Variants in PRKG1 observed in about 807,000 individuals in gnomAD.
PRKG1 encodes cGMP-dependent protein kinase 1.
In PRKG1, 35 loss-of-function variants were observed where a neutral mutation model predicts 88.1. The ratio of observed to expected loss-of-function variants is 0.40; its 90% CI spans 0.30 to 0.53. The LOEUF is 0.53. Among genes scored for constraint, PRKG1 ranks in the 20% least tolerant of loss-of-function variants. PRKG1 has a pLI of 0.59. For synonymous variants in PRKG1, 303 were observed against 292.5 expected (o/e 1.04, Z -0.37); for missense variants, 540 against 839.8 (o/e 0.64, Z 4.41).
chr10:51,453,695 T>C (rs1262340730), intron 2 of PRKG1, among the ~76,000 whole-genome samples: 1 of 152,056 alleles, frequency 6.6e-6, no homozygotes, highest in Non-Finnish European at 1.5e-5. Flanking sequence ...TTTTACTTTG[T>C]TAAGTTTATT....
chr10:51,246,125 T>C (rs2132132585), intron 2 of PRKG1, among the ~76,000 whole-genome samples: 1 of 152,228 alleles, frequency 6.6e-6, no homozygotes, highest in African/African-American at 2.4e-5. Context: ...TCCACTGTCC[T>C]TGAGATTTGC....
chr10:52,275,879 A>C (rs752302663), intron 12 of PRKG1, among the ~76,000 whole-genome samples: 1 of 151,984 alleles, frequency 6.6e-6, no homozygotes, highest in Non-Finnish European at 1.5e-5. Context: ...TTTCTGGTAG[A>C]GGTCTTTCAA....
chr10:51,166,388 C>T (rs148263496), intron 2 of PRKG1, among the ~76,000 whole-genome samples: 69 of 151,966 alleles, frequency 4.5e-4, no homozygotes, highest in African/African-American at 1.1e-3. Context: ...TTTCAGGTAA[C>T]GGTGGGTTGG....
At chr10:51,032,134 AGC>A (rs1843291464) in intron 1 of PRKG1, among the ~76,000 whole-genome samples, 1 of 152,138 alleles carries the variant, frequency 6.6e-6, no homozygotes, top group African/African-American at 2.4e-5. Flanking sequence ...CTCCTGAAGC[AGC>A]TGCCAGTGTC....
At chr10:51,932,551 T>G (rs1441735769) in intron 5 of PRKG1, among the ~76,000 whole-genome samples, 1 of 152,134 alleles carries the variant, frequency 6.6e-6, no homozygotes, top group Non-Finnish European at 1.5e-5. Flanking sequence ...CAGGTTTTAA[T>G]TTTTATGCTG....
intron 9 of PRKG1, among the ~76,000 whole-genome samples, chr10:52,170,275 G>T (rs1838628721): frequency 6.6e-6 from 1 of 152,110 alleles, no homozygotes; most frequent in African/African-American, 2.4e-5. Flanking sequence ...TGACCATCTT[G>T]TTCTGTTCTG....
intron 3 of PRKG1, among the ~76,000 whole-genome samples, chr10:51,639,436 CAAAAAAAAAAAAAAAAAAAAAAAAAAAA>C (rs769304908): frequency 1.9e-4 from 6 of 31,796 alleles, no homozygotes; most frequent in East Asian, 2.1e-3. Context: ...GACTCCATCT[CAAAAAAAAAAAAAAAAAAAAAAAAAAAA>C]AAAAAAAAAA....
intron 1 of PRKG1, among the ~76,000 whole-genome samples, chr10:51,033,046 T>C (rs1843306068): frequency 6.6e-6 from 1 of 152,150 alleles, no homozygotes; most frequent in Non-Finnish European, 1.5e-5. Flanking sequence ...TTTCTTCTTT[T>C]CTTGTCCCCT....
intron 3 of PRKG1, among the ~76,000 whole-genome samples, chr10:51,772,118 A>G (rs1009615821): frequency 2.0e-5 from 3 of 152,202 alleles, no homozygotes; most frequent in African/African-American, 7.2e-5. Context: ...AATAATTATA[A>G]CATCAAGTTT....
intron 8 of PRKG1, among the ~76,000 whole-genome samples, chr10:52,145,274 C>G (rs752282214): frequency 6.6e-6 from 1 of 152,048 alleles, no homozygotes; most frequent in African/African-American, 2.4e-5. Flanking sequence ...ATGCTTGAAA[C>G]CTTACTATAT....
intron 9 of PRKG1, among the ~76,000 whole-genome samples, chr10:52,188,188 GTA>G (rs1458749780): frequency 2.1e-5 from 3 of 143,432 alleles, no homozygotes; most frequent in Non-Finnish European, 4.5e-5. Flanking sequence ...TGATATCTAT[GTA>G]TGTGTGTGTG....
chr10:51,407,812 A>G (rs141674094), intron 2 of PRKG1, among the ~76,000 whole-genome samples: 5 of 152,048 alleles, frequency 3.3e-5, no homozygotes, highest in Non-Finnish European at 7.4e-5. Flanking sequence ...TTCCATGCAT[A>G]CTCTTCCTTA....
intron 1 of PRKG1, among the ~76,000 whole-genome samples, chr10:51,014,498 G>A (rs1410517402): frequency 6.6e-6 from 1 of 152,064 alleles, no homozygotes; most frequent in East Asian, 1.9e-4. Context: ...GTAAGTAATA[G>A]GGCTTTTGCA....
intron 1 of PRKG1, among the ~76,000 whole-genome samples, chr10:51,084,868 A>G (rs1844209269): frequency 6.6e-6 from 1 of 152,206 alleles, no homozygotes; most frequent in Non-Finnish European, 1.5e-5. Flanking sequence ...GAATACTTGG[A>G]CTATTTTCAG....
At chr10:51,476,055 A>T (rs1588995920) in intron 3 of PRKG1, among the ~76,000 whole-genome samples, 2 of 152,102 alleles carry the variant, frequency 1.3e-5, no homozygotes, top group Admixed American at 1.3e-4. Context: ...GGTCTTTGGT[A>T]CTTTCCATAG....
At chr10:51,281,336 C>T (rs1367705815) in intron 2 of PRKG1, among the ~76,000 whole-genome samples, 1 of 152,138 alleles carries the variant, frequency 6.6e-6, no homozygotes. Context: ...GGCAGTCTGT[C>T]CATTCTCAGA....
intron 1 of PRKG1, among the ~76,000 whole-genome samples, chr10:51,043,125 A>C (rs188989532): frequency 6.6e-6 from 1 of 152,310 alleles, no homozygotes; most frequent in Admixed American, 6.5e-5. Context: ...CTTACTGAGC[A>C]GTCATGGGAT....
At chr10:51,756,689 C>T (rs887779574) in intron 3 of PRKG1, among the ~76,000 whole-genome samples, 2 of 151,730 alleles carry the variant, frequency 1.3e-5, no homozygotes, top group African/African-American at 4.8e-5. Context: ...GTGGGGGGCA[C>T]CTGTAGTCTC....
chr10:52,186,660 C>T (rs1839209171), intron 9 of PRKG1, among the ~76,000 whole-genome samples: 1 of 151,962 alleles, frequency 6.6e-6, no homozygotes, highest in Admixed American at 6.6e-5. Flanking sequence ...ATACCAGCAG[C>T]ATATTATACA....
Sources: gnomAD v4.1 joint callset for allele counts (sites outside exome capture counted in the v4.1 genomes callset) on GRCh38, gnomAD v4.1.1 for gene constraint, MANE v1.5 for transcripts, NCBI Gene and HGNC (gene_info 2026-07-23, HGNC 2026-07-21) for gene names.